Variants in TBC1D16 observed in about 807,000 individuals in gnomAD.
The protein encoded by TBC1D16 is CTD-2529O21.1.
A neutral mutation model predicts 74.7 loss-of-function variants in TBC1D16; 58 were observed. The observed-to-expected ratio is 0.78, with a 90% CI of 0.63 to 0.97. The LOEUF is 0.97. Among genes scored for constraint, TBC1D16 ranks in the 50% least tolerant of loss-of-function variants. The pLI is 0.00. For synonymous variants in TBC1D16, 493 were observed against 474.7 expected (o/e 1.04, Z -0.50); for missense variants, 1,014 against 1,079.5 (o/e 0.94, Z 0.85).
intron 3 of TBC1D16, among the ~76,000 whole-genome samples, chr17:79,964,447 G>C (rs1197834174): frequency 1.3e-5 from 2 of 152,264 alleles, no homozygotes; most frequent in African/African-American, 2.4e-5. Flanking sequence ...ATGAGGTCCA[G>C]TTTATTTTTT....
Position 79,980,397 on chromosome 17 carries a change from G to A in TBC1D16, c.780-27579C>T, listed in dbSNP as rs906639163. Among the ~76,000 whole-genome samples the A allele has an allele frequency of 2.0e-5, 3 of 152,134 alleles. No individual in the cohort carries two copies. Among genetic ancestry groups the A allele is most frequent in the Non-Finnish European group, 2.9e-5 (2 of 68,022 alleles). The stretch of plus-strand genomic sequence containing the variant: ...GCCGGAGCTTTCCTTCCTTCCCGGA[G>A]GAACAAGACACTAAGAAGAGGTTCC... On this transcript the variant is annotated intron_variant, in intron 3 of 11. Coordinates refer to ENST00000310924, the MANE Select transcript of TBC1D16 (RefSeq NM_019020.4). This position sits in a 1 kb window ranked among gnomAD's most constrained non-coding sequence, Gnocchi z 7.0.
chr17:80,031,655 T>C (rs1335038976), intron 1 of TBC1D16, among the ~76,000 whole-genome samples: 2 of 152,088 alleles, frequency 1.3e-5, no homozygotes, highest in African/African-American at 4.8e-5. Flanking sequence ...TGTGCACCCT[T>C]GATAGTAGAT....
intron 3 of TBC1D16, among the ~76,000 whole-genome samples, chr17:79,978,325 C>T (rs1568605925): frequency 1.3e-5 from 2 of 152,364 alleles, no homozygotes; most frequent in South Asian, 2.1e-4. Context: ...TGCAACATCA[C>T]GGCTAATTAG....
chr17:79,950,995 G>C lies in TBC1D16; in HGVS notation c.1090-417C>G. 1 of 677,534 alleles carries C rather than the reference G, an allele frequency of 1.5e-6. No homozygotes were observed. The highest frequency in any genetic ancestry group is 2.4e-6 in the Non-Finnish European group (1 of 422,142). 42.0% of individuals were successfully genotyped at this position (677,534 alleles called of 1,614,324 possible). A position where few individuals can be genotyped will look rare whatever the true frequency, so the allele number is the denominator to read the frequency against. Reference sequence around the variant, plus strand: ...GCCTCCGCGAGCAGTCACGAATCCAGGGCAAAACTGCAGCTGACATTTAAT... The same window carrying C: ...GCCTCCGCGAGCAGTCACGAATCCACGGCAAAACTGCAGCTGACATTTAAT... On this transcript the variant is annotated intron_variant, in intron 5 of 11. Coordinates refer to ENST00000310924, the MANE Select transcript of TBC1D16 (RefSeq NM_019020.4). This position sits in a 1 kb window ranked among gnomAD's most constrained non-coding sequence, Gnocchi z 4.6.
chr17:80,028,368 G>A (rs2036658517), intron 1 of TBC1D16, among the ~76,000 whole-genome samples: 1 of 151,830 alleles, frequency 6.6e-6, no homozygotes, highest in African/African-American at 2.4e-5. Context: ...CTGTCTATTA[G>A]AAATACAAAA....
chr17:79,988,061 T>C lies in TBC1D16; in HGVS notation c.779+22099A>G, dbSNP rs528686728. On this transcript the variant is annotated intron_variant, in intron 3 of 11. Transcript: ENST00000310924. The surrounding 1 kb of genome is among the most constrained non-coding windows in gnomAD (Gnocchi z 5.7). The stretch of plus-strand genomic sequence containing the variant: ...AATGAGACGATATTCAATATTTCCT[T>C]CTGATTCAAACGAAATACTTCTAAG... 3.9e-5 allele frequency among the ~76,000 whole-genome samples: 6 copies of C among 152,288 alleles called. No homozygotes were observed. In the East Asian group the frequency reaches 9.6e-4, roughly 24 times the overall value.
In TBC1D16 at chr17:79,988,584, GCGT is replaced by G. The variant is rs1268057541; in HGVS notation, c.779+21573_779+21575del. ...AGGGTCCTGGTGAACGCACGTGCCTGCGTTCTGTACCAAACAGTTGTCAACACA... is the reference window on the plus strand; with the variant it reads ...AGGGTCCTGGTGAACGCACGTGCCTGTCTGTACCAAACAGTTGTCAACACA... On this transcript the variant is annotated intron_variant, in intron 3 of 11. Transcript: ENST00000310924. This position sits in a 1 kb window ranked among gnomAD's most constrained non-coding sequence, Gnocchi z 5.7. Among the ~76,000 whole-genome samples the G allele has an allele frequency of 2.6e-5, 4 of 152,342 alleles. No homozygotes were observed. The highest frequency in any genetic ancestry group is 4.8e-5 in the African/African-American group (2 of 41,586).
intron 1 of TBC1D16, chr17:80,025,664 G>A (rs1038729893): frequency 2.2e-5 from 3 of 139,162 alleles, no homozygotes; most frequent in African/African-American, 6.0e-5. Flanking sequence ...TCCTGCTAGA[G>A]TGCCAGGGAG....
At chr17:80,012,294 T>C (rs889616663) in intron 2 of TBC1D16, among the ~76,000 whole-genome samples, 1 of 152,100 alleles carries the variant, frequency 6.6e-6, no homozygotes, top group African/African-American at 2.4e-5. Context: ...CTGGTCTCTC[T>C]CTCTAGAACA....
chr17:79,960,783 A>AAAAAAAAAAAAC, intron 3 of TBC1D16, among the ~76,000 whole-genome samples: 1 of 105,308 alleles, frequency 9.5e-6, no homozygotes, highest in Non-Finnish European at 1.9e-5. Flanking sequence ...AAAACCCAAA[A>AAAAAAAAAAAAC]AAAAAAAAAA....
At chr17:79,969,731 C>T (rs2033997121) in intron 3 of TBC1D16, among the ~76,000 whole-genome samples, 1 of 152,108 alleles carries the variant, frequency 6.6e-6, no homozygotes, top group African/African-American at 2.4e-5. Flanking sequence ...CACTTGAGGT[C>T]AGGAGTTCGA....
Position 80,010,030 on chromosome 17 carries a change from C to T in TBC1D16, c.779+130G>A, listed in dbSNP as rs564134360. ...GGGGCTCCTGCCACAGCCACGGCCA[C>T]AGCCGCGGGCAGGTCGGGCAGATGC... On this transcript the variant is annotated intron_variant, in intron 3 of 11. Coordinates refer to ENST00000310924, the MANE Select transcript of TBC1D16 (RefSeq NM_019020.4). The surrounding 1 kb of genome is among the most constrained non-coding windows in gnomAD (Gnocchi z 8.8). The T allele has an allele frequency of 5.0e-5, 40 of 794,422 alleles. No homozygotes were observed. Among genetic ancestry groups the T allele is most frequent in the South Asian group, 1.8e-4 (10 of 54,102 alleles). The allele number at this position is 794,422 out of a possible 1,614,324, so 49.2% of individuals were successfully genotyped here.
In TBC1D16 at chr17:79,990,122, T is replaced by C. The variant is rs542558275; in HGVS notation, c.779+20038A>G. On this transcript the variant is annotated intron_variant, in intron 3 of 11. Coordinates refer to ENST00000310924, the MANE Select transcript of TBC1D16 (RefSeq NM_019020.4). This position sits in a 1 kb window ranked among gnomAD's most constrained non-coding sequence, Gnocchi z 4.8. ...TCCGTCAAGGTTTTCCCACACTCCA[T>C]GTCAGGTCTCTGACATGAACCAGCT... Among the ~76,000 whole-genome samples the C allele has an allele frequency of 6.6e-5, 10 of 152,356 alleles. No homozygotes were observed. The East Asian group carries it at 1.7e-3, about 26-fold the overall frequency.
Position 79,979,412 on chromosome 17 carries a change from G to C in TBC1D16, c.780-26594C>G, listed in dbSNP as rs1203859233. ...GCCGCCAATCACGTGGCCCTCTCGA[G>C]GTGAAGCTGCGACACTGTGTGGAAA... On this transcript the variant is annotated intron_variant, in intron 3 of 11. Transcript: ENST00000310924. This position sits in a 1 kb window ranked among gnomAD's most constrained non-coding sequence, Gnocchi z 4.8. 2.0e-5 allele frequency among the ~76,000 whole-genome samples: 3 copies of C among 152,194 alleles called. No homozygotes were observed. The highest frequency in any genetic ancestry group is 4.4e-5 in the Non-Finnish European group (3 of 68,028).
chr17:80,006,210 C>T (rs1420479198), intron 3 of TBC1D16, among the ~76,000 whole-genome samples: 1 of 150,082 alleles, frequency 6.7e-6, no homozygotes, highest in African/African-American at 2.4e-5. Context: ...CTCTCTCGCT[C>T]TCTTTCTCTC....
At chr17:79,966,379 T>C (rs2033843705) in intron 3 of TBC1D16, among the ~76,000 whole-genome samples, 1 of 152,128 alleles carries the variant, frequency 6.6e-6, no homozygotes, top group African/African-American at 2.4e-5. Flanking sequence ...CAATCCAGTA[T>C]ACCCCTTACC....
In TBC1D16 at chr17:79,944,181, G is replaced by A; in HGVS notation, c.1908+727C>T. On this transcript the variant is annotated intron_variant, in intron 10 of 11. Transcript: ENST00000310924. The surrounding 1 kb of genome is among the most constrained non-coding windows in gnomAD (Gnocchi z 7.7). ...AGATGGGTGTTTGCCTCCATCTTCA[G>A]GGTTCTCTGACGGAGGCTGCTGGAG... 2 of 1,530,026 alleles carry A rather than the reference G, an allele frequency of 1.3e-6. No homozygotes were observed. Among genetic ancestry groups the A allele is most frequent in the Non-Finnish European group, 1.8e-6 (2 of 1,141,662 alleles). 94.8% of individuals were successfully genotyped at this position (1,530,026 alleles called of 1,614,324 possible). A position where few individuals can be genotyped will look rare whatever the true frequency, so the allele number is the denominator to read the frequency against.
intron 3 of TBC1D16, among the ~76,000 whole-genome samples, chr17:79,998,040 G>T (rs188708567): frequency 6.7e-6 from 1 of 149,446 alleles, no homozygotes; most frequent in African/African-American, 2.5e-5. Context: ...CAGGAAAATC[G>T]CTTGAACCCA....
chr17:80,027,456 A>G (rs926802743), intron 1 of TBC1D16, among the ~76,000 whole-genome samples: 2 of 152,184 alleles, frequency 1.3e-5, no homozygotes, highest in Admixed American at 1.3e-4. Flanking sequence ...AAAATTAGCC[A>G]GGCTTGGTGG....
Sources: gnomAD v4.1 joint callset for allele counts (sites outside exome capture counted in the v4.1 genomes callset) on GRCh38, gnomAD v4.1.1 for gene constraint, Gnocchi (gnomAD v3.1) non-coding constraint, MANE v1.5 for transcripts, NCBI Gene and HGNC (gene_info 2026-07-23, HGNC 2026-07-21) for gene names.